The following METTL15 variants were observed in gnomAD, a reference collection of about 807,000 sequenced individuals.
The protein encoded by METTL15 is 12S rRNA N(4)-cytidine methyltransferase METTL15.
METTL15 carries 34 observed loss-of-function variants against 38.3 expected under a neutral mutation model. The ratio of observed to expected loss-of-function variants is 0.89; its 90% CI spans 0.68 to 1.18. The LOEUF (loss-of-function observed/expected upper bound fraction) is 1.18. Ranked by LOEUF, METTL15 falls within the 50% of genes most tolerant of loss-of-function variation. The pLI is 0.00. For missense variants in METTL15, 438 were observed against 498.4 expected (o/e 0.88, Z 1.15); for synonymous variants, 162 against 170.9 (o/e 0.95, Z 0.41).
At chr11:28,430,484 C>T (rs1457254210) in intron 6 of METTL15, among the ~76,000 whole-genome samples, 29 of 26,250 alleles carry the variant, frequency 1.1e-3, no homozygotes, top group Admixed American at 1.8e-3. Context: ...CCAGCCACCC[C>T]GTCCGGGAGG....
At chr11:28,478,544 C>G (rs1851366839) in intron 6 of METTL15, among the ~76,000 whole-genome samples, 1 of 152,160 alleles carries the variant, frequency 6.6e-6, no homozygotes, top group South Asian at 2.1e-4. Flanking sequence ...AGCCTCTTGT[C>G]TTTATCTCCA....
At chr11:28,268,216 A>G (rs976104687) in intron 4 of METTL15, among the ~76,000 whole-genome samples, 2 of 150,548 alleles carry the variant, frequency 1.3e-5, no homozygotes, top group Non-Finnish European at 3.0e-5. Flanking sequence ...AAAAAAAAAA[A>G]AAAAGACTAA....
At chr11:28,347,013 G>A (rs377712541) in intron 3 of METTL15, among the ~76,000 whole-genome samples, 6 of 152,334 alleles carry the variant, frequency 3.9e-5, no homozygotes, top group African/African-American at 1.4e-4. Context: ...TATGACTCTT[G>A]TAACTAAGAG....
chr11:28,274,429 A>G (rs1248695449), intron 4 of METTL15, among the ~76,000 whole-genome samples: 2 of 152,022 alleles, frequency 1.3e-5, no homozygotes, highest in Admixed American at 1.3e-4. Context: ...CTCTGGATGC[A>G]TCATTTCAGT....
At chr11:28,141,910 A>G (rs1178285065) in intron 3 of METTL15, among the ~76,000 whole-genome samples, 4 of 152,250 alleles carry the variant, frequency 2.6e-5, no homozygotes, top group Middle Eastern at 3.4e-3. Context: ...AGCAGGGACT[A>G]TTATCATCCT....
At chr11:28,509,791 A>G (rs866137178) in intron 6 of METTL15, among the ~76,000 whole-genome samples, 16 of 152,146 alleles carry the variant, frequency 1.1e-4, no homozygotes, top group Admixed American at 6.5e-4. Context: ...GCTAAGGGAG[A>G]GTGTGTTATG....
intron 2 of METTL15, among the ~76,000 whole-genome samples, chr11:28,111,590 G>A (rs547408722): frequency 9.2e-5 from 14 of 152,328 alleles, no homozygotes; most frequent in African/African-American, 3.1e-4. Context: ...AGTGGGCAAT[G>A]TTTATAGCAT....
At chr11:28,160,038 A>T (rs753394489) in intron 3 of METTL15, among the ~76,000 whole-genome samples, 41 of 152,026 alleles carry the variant, frequency 2.7e-4, no homozygotes, top group Non-Finnish European at 4.7e-4. Context: ...GGTGGGCATA[A>T]TCTCATCAGC....
chr11:28,251,468 A>G (rs1466965311), intron 4 of METTL15, among the ~76,000 whole-genome samples: 3 of 151,900 alleles, frequency 2.0e-5, no homozygotes, highest in South Asian at 2.1e-4. Flanking sequence ...TAGGTCATCA[A>G]TTTTCTCATA....
chr11:28,264,736 C>A (rs2133946157), intron 4 of METTL15, among the ~76,000 whole-genome samples: 1 of 152,188 alleles, frequency 6.6e-6, no homozygotes, highest in East Asian at 1.9e-4. Flanking sequence ...GACCTCATTT[C>A]TGAATAGAGT....
intron 4 of METTL15, among the ~76,000 whole-genome samples, chr11:28,260,351 T>G (rs575041862): frequency 1.3e-3 from 194 of 152,308 alleles, no homozygotes; most frequent in African/African-American, 4.5e-3. Flanking sequence ...CCCCTTTTTA[T>G]CACTACCTCC....
At chr11:28,139,818 GAA>G (rs934898990) in intron 3 of METTL15, among the ~76,000 whole-genome samples, 9 of 151,942 alleles carry the variant, frequency 5.9e-5, no homozygotes, top group Admixed American at 5.9e-4. Flanking sequence ...TGTTAGAAAA[GAA>G]AAGAAAAAAA....
intron 5 of METTL15, among the ~76,000 whole-genome samples, chr11:28,380,645 A>G (rs1008120673): frequency 6.6e-6 from 1 of 152,098 alleles, no homozygotes; most frequent in African/African-American, 2.4e-5. Context: ...TAAATCTATT[A>G]TAGGTTTTTG....
At chr11:28,272,320 A>G (rs1232288981) in intron 4 of METTL15, among the ~76,000 whole-genome samples, 1 of 152,174 alleles carries the variant, frequency 6.6e-6, no homozygotes, top group Non-Finnish European at 1.5e-5. Flanking sequence ...AACCAACTCA[A>G]AAGCCCATCA....
At chr11:28,241,467 G>C (rs1854293282) in intron 4 of METTL15, among the ~76,000 whole-genome samples, 1 of 151,734 alleles carries the variant, frequency 6.6e-6, no homozygotes, top group African/African-American at 2.4e-5. Context: ...CCGGGAGGCG[G>C]AGCTTGCAGT....
intron 3 of METTL15, among the ~76,000 whole-genome samples, chr11:28,343,523 C>T (rs955571500): frequency 6.6e-6 from 1 of 152,164 alleles, no homozygotes; most frequent in Non-Finnish European, 1.5e-5. Flanking sequence ...ACTGTTTGGG[C>T]CTGGGAAAAG....
intron 3 of METTL15, among the ~76,000 whole-genome samples, chr11:28,160,031 G>T (rs972192534): frequency 4.6e-5 from 7 of 152,008 alleles, no homozygotes; most frequent in African/African-American, 1.7e-4. Context: ...TAATCTGGGT[G>T]GGCATAATCT....
intron 6 of METTL15, among the ~76,000 whole-genome samples, chr11:28,453,897 T>G (rs1851145762): frequency 1.3e-5 from 2 of 152,218 alleles, no homozygotes; most frequent in Admixed American, 1.3e-4. Flanking sequence ...CATTGCAACT[T>G]TAATTGGCAC....
rs564063898 is a variant in METTL15 at position 28,137,623 on chromosome 11, A to G, written c.270+24019A>G. Among the ~76,000 whole-genome samples the G allele has an allele frequency of 3.9e-5, 6 of 152,332 alleles. No individual in the cohort carries two copies. The South Asian group carries it at 6.2e-4, about 16-fold the overall frequency. On this transcript the variant is annotated intron_variant, in intron 3 of 6. Coordinates refer to ENST00000407364, the MANE Select transcript of METTL15 (RefSeq NM_001113528.2). Reference sequence around the variant, plus strand: ...TCAAACAGTTCTCAAAAGCCAAAGAAGCAGTTTGTAACCTTCGAACATGTA... The same window carrying G: ...TCAAACAGTTCTCAAAAGCCAAAGAGGCAGTTTGTAACCTTCGAACATGTA...
Sources: gnomAD v4.1 joint callset for allele counts (sites outside exome capture counted in the v4.1 genomes callset) on GRCh38, gnomAD v4.1.1 for gene constraint, MANE v1.5 for transcripts, NCBI Gene and HGNC (gene_info 2026-07-23, HGNC 2026-07-21) for gene names.